MRPL1: variants seen among roughly 807,000 people sequenced by gnomAD.
MRPL1 encodes the protein large ribosomal subunit protein uL1m.
A neutral mutation model predicts 38.0 loss-of-function variants in MRPL1; 28 were observed. That is an observed-to-expected ratio of 0.74 (90% CI 0.55 to 1.01). The LOEUF (loss-of-function observed/expected upper bound fraction) is 1.01. Among genes scored for constraint, MRPL1 ranks in the 50% least tolerant of loss-of-function variants. MRPL1 has a pLI of 0.00. For synonymous variants in MRPL1, 123 were observed against 126.7 expected, an observed-to-expected ratio of 0.97 and a Z score of 0.20; for missense variants, 358 against 389.8, an observed-to-expected ratio of 0.92 and a Z score of 0.69.
chr4:77,938,878 T>A (rs1737054027), intron 7 of MRPL1, among the ~76,000 whole-genome samples: 1 of 152,226 alleles, frequency 6.6e-6, no homozygotes. Flanking sequence ...ACCCTGGACC[T>A]AGATACAATG....
At position 77,916,720 on chromosome 4, in the gene MRPL1, G is replaced by A. The variant is rs557150609; in HGVS notation, c.777+7348G>A. Among the ~76,000 whole-genome samples the A allele has an allele frequency of 2.7e-4, 41 of 152,182 alleles. 1 individual carries two copies. In the South Asian group the frequency reaches 8.5e-3, roughly 32 times the overall value. On this transcript the variant is annotated intron_variant, in intron 7 of 8. Coordinates refer to ENST00000315567, the MANE Select transcript of MRPL1 (RefSeq NM_020236.4). Reference sequence around the variant, plus strand: ...TGTATTCTATCATATACCATAATCAGTTCCTTATTGATGGGCCTTTAGTTT... The same window carrying A: ...TGTATTCTATCATATACCATAATCAATTCCTTATTGATGGGCCTTTAGTTT...
In MRPL1 at chr4:77,946,228, A is replaced by G. The variant is rs749714023; in HGVS notation, c.778-3569A>G. ...ATTGTTCCTACTTGCACGTCCATTT[A>G]TAGGCTCTCTGCAAGAAGAAAAATA... On this transcript the variant is annotated intron_variant, in intron 7 of 8. Transcript: ENST00000315567. Among the ~76,000 whole-genome samples the G allele has an allele frequency of 1.4e-4, 22 of 152,278 alleles. 1 individual carries two copies. The South Asian group carries it at 2.1e-3, about 14-fold the overall frequency.
intron 7 of MRPL1, among the ~76,000 whole-genome samples, chr4:77,931,648 T>G (rs1030278629): frequency 6.6e-6 from 1 of 152,248 alleles, no homozygotes; most frequent in South Asian, 2.1e-4. Context: ...TATTCAAGTC[T>G]TTGAATGATT....
chr4:77,947,572 A>G (rs566014772), intron 7 of MRPL1, among the ~76,000 whole-genome samples: 3 of 152,360 alleles, frequency 2.0e-5, no homozygotes, highest in South Asian at 2.1e-4. Context: ...ATGTTATTAC[A>G]TGGGAAAGCA....
At chr4:77,926,458 G>A (rs1736714243) in intron 7 of MRPL1, among the ~76,000 whole-genome samples, 1 of 152,062 alleles carries the variant, frequency 6.6e-6, no homozygotes, top group Admixed American at 6.5e-5. Flanking sequence ...TTTTGACCCA[G>A]CTTTACAATT....
rs75009824 is a variant in MRPL1, at chr4:77,910,371, C to T, written c.777+999C>T. On this transcript the variant is annotated intron_variant, in intron 7 of 8. Coordinates refer to ENST00000315567, the MANE Select transcript of MRPL1 (RefSeq NM_020236.4). ...TCTTAAGGGGAATTCTGCATTATAG[C>T]TAGTAGTCCAAGCTCATTGAGCTGT... Among the ~76,000 whole-genome samples the T allele has an allele frequency of 2.4e-3, 358 of 152,294 alleles. 3 individuals are homozygous for T. Among genetic ancestry groups the T allele is most frequent in the African/African-American group, 7.9e-3 (329 of 41,560 alleles).
Position 77,871,752 on chromosome 4 carries a change from C to G in MRPL1, c.40C>G (p.His14Asp). The G allele has an allele frequency of 6.6e-7, 1 of 1,521,796 alleles. No homozygotes were observed. Among genetic ancestry groups the G allele is most frequent in the African/African-American group, 1.4e-5 (1 of 70,556 alleles). 94.3% of individuals were successfully genotyped at this position (1,521,796 alleles called of 1,614,324 possible). Reference sequence around the variant, plus strand: ...ATGTTTTTCCTTTCAAGCCTTGATACATCATCAAAGGCATAGCCTTTCCAA... The same window carrying G: ...ATGTTTTTCCTTTCAAGCCTTGATAGATCATCAAAGGCATAGCCTTTCCAA... ...AVRCMGRALI[H>D]HQRHSLSKMV... Residue 14 changes from histidine (H) to aspartate (D), a missense_variant, in exon 2 of 9, where the codon CAT becomes GAT. Coordinates refer to ENST00000315567, the MANE Select transcript of MRPL1 (RefSeq NM_020236.4).
intron 7 of MRPL1, among the ~76,000 whole-genome samples, chr4:77,947,342 T>G (rs1459419192): frequency 6.6e-6 from 1 of 152,226 alleles, no homozygotes; most frequent in Non-Finnish European, 1.5e-5. Context: ...ATAATCACTT[T>G]AGTTAAACAT....
At position 77,865,071 on chromosome 4, in the gene MRPL1, G is replaced by A. The variant is rs190496302; in HGVS notation, c.31+2192G>A. Among the ~76,000 whole-genome samples the A allele has an allele frequency of 2.6e-4, 39 of 151,784 alleles. 1 individual carries two copies. In the East Asian group the frequency reaches 7.4e-3, roughly 29 times the overall value. Reference sequence around the variant, plus strand: ...TGCCCGGCTAATTTTTGTATTTTTAGTAGAGGTGGGGTTTCACCATGTTGG... The same window carrying A: ...TGCCCGGCTAATTTTTGTATTTTTAATAGAGGTGGGGTTTCACCATGTTGG... On this transcript the variant is annotated intron_variant, in intron 1 of 8. Coordinates refer to ENST00000315567, the MANE Select transcript of MRPL1 (RefSeq NM_020236.4).
intron 7 of MRPL1, among the ~76,000 whole-genome samples, chr4:77,938,191 T>G (rs1737033696): frequency 6.6e-6 from 1 of 152,212 alleles, no homozygotes; most frequent in Non-Finnish European, 1.5e-5. Flanking sequence ...TGTCTATGAT[T>G]TCTTTTACAC....
At chr4:77,950,742 T>C (rs1378366418) in intron 8 of MRPL1, among the ~76,000 whole-genome samples, 2 of 152,232 alleles carry the variant, frequency 1.3e-5, no homozygotes, top group African/African-American at 2.4e-5. Context: ...TTGATTTCAG[T>C]ACAGGATCCT....
At chr4:77,923,045 T>C (rs1161552366) in intron 7 of MRPL1, among the ~76,000 whole-genome samples, 2 of 152,168 alleles carry the variant, frequency 1.3e-5, no homozygotes, top group Non-Finnish European at 2.9e-5. Context: ...AAATGAATAG[T>C]TTTTAAAAGA....
chr4:77,891,058 G>A (rs1735794152), intron 5 of MRPL1, among the ~76,000 whole-genome samples: 3 of 152,056 alleles, frequency 2.0e-5, no homozygotes, highest in African/African-American at 7.2e-5. Context: ...ATGATTTTTG[G>A]TTGCAGAACT....
chr4:77,952,137 C>G (rs1167339747), intron 8 of MRPL1, among the ~76,000 whole-genome samples: 1 of 152,156 alleles, frequency 6.6e-6, no homozygotes, highest in Non-Finnish European at 1.5e-5. Context: ...TGATTTAAGT[C>G]ACCACCACTA....
chr4:77,899,813 A>C (rs1257164160), intron 6 of MRPL1, among the ~76,000 whole-genome samples: 2 of 152,226 alleles, frequency 1.3e-5, no homozygotes, highest in Non-Finnish European at 2.9e-5. Flanking sequence ...CTAAAAACAC[A>C]GAGAAAAGTG....
chr4:77,923,648 C>T (rs1736642044), intron 7 of MRPL1, among the ~76,000 whole-genome samples: 1 of 151,818 alleles, frequency 6.6e-6, no homozygotes, highest in Non-Finnish European at 1.5e-5. Flanking sequence ...AAAAAAGTTT[C>T]ATGAGGGCCG....
At chr4:77,904,273 T>C (rs1393395573) in intron 6 of MRPL1, among the ~76,000 whole-genome samples, 1 of 150,574 alleles carries the variant, frequency 6.6e-6, no homozygotes, top group Non-Finnish European at 1.5e-5. Context: ...AAAAAGTTTG[T>C]CCGGGCATGC....
chr4:77,891,074 A>G (rs1160489172), intron 5 of MRPL1, among the ~76,000 whole-genome samples: 1 of 152,150 alleles, frequency 6.6e-6, no homozygotes, highest in African/African-American at 2.4e-5. Context: ...GAACTAGTGG[A>G]AAGTAGGAAG....
chr4:77,871,763 G>C lies in MRPL1; in HGVS notation c.51G>C (p.Arg17Ser). The C allele has an allele frequency of 6.3e-7, 1 of 1,580,742 alleles. No individual in the cohort carries two copies. Among genetic ancestry groups the C allele is most frequent in the South Asian group, 1.2e-5 (1 of 83,410 alleles). ...CMGRALIHHQ[R>S]HSLSKMVYQT... ...TTCAAGCCTTGATACATCATCAAAGGCATAGCCTTTCCAAGATGGTTTATC... is the reference window on the plus strand; with the variant it reads ...TTCAAGCCTTGATACATCATCAAAGCCATAGCCTTTCCAAGATGGTTTATC... Residue 17 changes from arginine to serine, a missense_variant, in exon 2 of 9, where the codon AGG becomes AGC. Physicochemically the swap from Arg to Ser is moderately radical, Grantham distance 110. Coordinates refer to ENST00000315567, the MANE Select transcript of MRPL1 (RefSeq NM_020236.4).
Sources: gnomAD v4.1 joint callset for allele counts (sites outside exome capture counted in the v4.1 genomes callset) on GRCh38, gnomAD v4.1.1 for gene constraint, MANE v1.5 for transcripts, NCBI Gene and HGNC (gene_info 2026-07-23, HGNC 2026-07-21) for gene names.